The following FAM228A variants were observed in gnomAD, a reference collection of about 807,000 sequenced individuals.
FAM228A encodes protein FAM228A.
Under a neutral mutation model 18.6 loss-of-function variants are expected in FAM228A, and 13 were observed. The observed-to-expected ratio is 0.70, with a 90% CI of 0.45 to 1.11. The LOEUF (loss-of-function observed/expected upper bound fraction) is 1.11. FAM228A is among the 50% of genes least tolerant of loss of function. FAM228A has a pLI of 0.00. For missense variants in FAM228A, 240 were observed against 242.2 expected (o/e 0.99, Z 0.06); for synonymous variants, 77 against 86.6 (o/e 0.89, Z 0.61).
Position 24,175,569 on chromosome 2 carries a change from T to C in FAM228A, c.89T>C (p.Met30Thr), listed in dbSNP as rs765789805. The C allele has an allele frequency of 2.9e-5, 46 of 1,612,302 alleles. No homozygotes were observed. The highest frequency in any genetic ancestry group is 1.3e-4 in the Admixed American group (8 of 60,014). The change falls in exon 2 of 6, where the codon ATG (methionine) becomes ACG (threonine). Residue 30 changes from methionine to threonine, a missense_variant. Met to Thr is a moderately conservative substitution (Grantham distance 81, BLOSUM62 -1). Transcript: ENST00000295150. ...EWPEPESVSL[M>T]EVLAREDIDE... Reference sequence around the variant, plus strand: ...CCGGAGCCCGAGTCCGTTTCTTTAATGGAGGTGAGATAACGTGGCGTTTTG... The same window carrying C: ...CCGGAGCCCGAGTCCGTTTCTTTAACGGAGGTGAGATAACGTGGCGTTTTG...
At chr2:24,185,549 T>C (rs753437788) in intron 5 of FAM228A, among the ~76,000 whole-genome samples, 3 of 152,216 alleles carry the variant, frequency 2.0e-5, no homozygotes, top group African/African-American at 4.8e-5. Context: ...GTAGATCAAT[T>C]TGGGGAGAAT....
chr2:24,183,795 A>G, intron 5 of FAM228A, 150 bp downstream of exon 5: 3 of 701,880 alleles, frequency 4.3e-6, no homozygotes, highest in Non-Finnish European at 2.3e-6. Flanking sequence ...AAATATATGT[A>G]GAGGACAGAA....
At chr2:24,176,589 G>A (rs1324390069) in intron 2 of FAM228A, among the ~76,000 whole-genome samples, 1 of 152,204 alleles carries the variant, frequency 6.6e-6, no homozygotes, top group Non-Finnish European at 1.5e-5. Flanking sequence ...TTTATTTTAG[G>A]AAGACCTGGG....
chr2:24,188,723 C>A, intron 5 of FAM228A: 1 of 874,912 alleles, frequency 1.1e-6, no homozygotes, highest in Non-Finnish European at 1.4e-6. Context: ...CCTGAAGGCT[C>A]TCGCCTCTCT....
intron 5 of FAM228A, chr2:24,188,418 A>AT (rs1480921269): frequency 2.0e-6 from 2 of 976,172 alleles, no homozygotes; most frequent in African/African-American, 3.5e-5. Flanking sequence ...CCCCTCCTTG[A>AT]TTCTTTTTCA....
intron 5 of FAM228A, chr2:24,188,367 C>T (rs909963480): frequency 2.6e-5 from 23 of 886,324 alleles, no homozygotes; most frequent in Non-Finnish European, 3.1e-5. Context: ...GCCCAGCATG[C>T]ATTAGCTATT....
chr2:24,189,136 G>A (rs1410368048), intron 5 of FAM228A, among the ~76,000 whole-genome samples: 1 of 151,962 alleles, frequency 6.6e-6, no homozygotes, highest in Non-Finnish European at 1.5e-5. Context: ...TCTTCCTTCA[G>A]GCTGGTCTCC....
chr2:24,183,165 C>T (rs144594922), intron 3 of FAM228A, 120 bp from the exon 4 acceptor site: 16 of 740,496 alleles, frequency 2.2e-5, no homozygotes, highest in Middle Eastern at 3.8e-4. Flanking sequence ...CTCGCCCCCT[C>T]CTGCCCTTCC....
At position 24,190,697 on chromosome 2, in the gene FAM228A, A is replaced by G; in HGVS notation, c.*66A>G. ...GCGGAGGAGGCATGGCCCAAGAAGA[A>G]GGGTGTGAAGAGGAGGAGGGAGAAA... is the stretch of plus-strand genomic sequence containing the variant. On this transcript the variant is annotated 3_prime_UTR_variant, in exon 6 of 6. Coordinates refer to ENST00000295150, the MANE Select transcript of FAM228A (RefSeq NM_001040710.3). 6.8e-7 allele frequency: 1 copy of G among 1,470,778 alleles called. No individual in the cohort carries two copies. Among genetic ancestry groups the G allele is most frequent in the South Asian group, 1.5e-5 (1 of 67,910 alleles). The allele number at this position is 1,470,778 out of a possible 1,614,324, so 91.1% of individuals were successfully genotyped here.
chr2:24,181,469 C>G (rs1667814124), intron 3 of FAM228A, among the ~76,000 whole-genome samples: 1 of 152,160 alleles, frequency 6.6e-6, no homozygotes, highest in Non-Finnish European at 1.5e-5. Context: ...ACTGCAACTT[C>G]TGCCTCCGGG....
At chr2:24,177,949 A>G in intron 3 of FAM228A, 79 bp downstream of exon 3, 1 of 875,872 alleles carries the variant, frequency 1.1e-6, no homozygotes. Flanking sequence ...CCAAGAGTTT[A>G]TGTCACCGTG....
chr2:24,177,732 A>G, intron 2 of FAM228A, 70 bp from the exon 3 acceptor site: 1 of 867,410 alleles, frequency 1.2e-6, no homozygotes, highest in Non-Finnish European at 1.9e-6. Context: ...TTGGTAAAGT[A>G]CACTGAGTTT....
intron 3 of FAM228A, among the ~76,000 whole-genome samples, chr2:24,181,956 T>G (rs1667826701): frequency 6.6e-6 from 1 of 152,182 alleles, no homozygotes; most frequent in Non-Finnish European, 1.5e-5. Flanking sequence ...TTTACTCACA[T>G]TCAGCAAACT....
rs568599779 is a variant in FAM228A, at chr2:24,188,485, T to C, written c.402-1927T>C. 1.5e-5 allele frequency: 15 copies of C among 985,388 alleles called. 1 individual carries two copies. The highest frequency in any genetic ancestry group is 1.1e-4 in the East Asian group (1 of 8,812). The allele number at this position is 985,388 out of a possible 1,614,324, so 61.0% of individuals were successfully genotyped here. A position where few individuals can be genotyped will look rare whatever the true frequency, so the allele number is the denominator to read the frequency against. On this transcript the variant is annotated intron_variant, in intron 5 of 5. Coordinates refer to ENST00000295150, the MANE Select transcript of FAM228A (RefSeq NM_001040710.3). The stretch of plus-strand genomic sequence containing the variant: ...GGGCCTGGAGAGTTTCTGTCCTCCA[T>C]TGAGAAACCAAGCACATTGCTTGAC...
intron 2 of FAM228A, among the ~76,000 whole-genome samples, chr2:24,176,557 C>G (rs1210246353): frequency 6.6e-6 from 1 of 152,218 alleles, no homozygotes; most frequent in Non-Finnish European, 1.5e-5. Context: ...AAGCAAGATC[C>G]TGTTCCTATT....
At chr2:24,178,770 T>C (rs959029254) in intron 3 of FAM228A, among the ~76,000 whole-genome samples, 2 of 152,182 alleles carry the variant, frequency 1.3e-5, no homozygotes, top group African/African-American at 2.4e-5. Context: ...TGGTGAAGGC[T>C]AGACACAGAG....
intron 2 of FAM228A, 121 bp downstream of exon 2, chr2:24,175,694 C>A (rs1667665535): frequency 3.7e-6 from 3 of 809,552 alleles, no homozygotes; most frequent in African/African-American, 1.7e-5. Flanking sequence ...TTAAAGCAGG[C>A]GTTGAAGGGG....
At chr2:24,185,810 T>C (rs1667934414) in intron 5 of FAM228A, among the ~76,000 whole-genome samples, 1 of 152,220 alleles carries the variant, frequency 6.6e-6, no homozygotes, top group African/African-American at 2.4e-5. Flanking sequence ...GTACTATGGA[T>C]AAGAAACTGT....
intron 3 of FAM228A, among the ~76,000 whole-genome samples, chr2:24,179,657 C>T (rs1374100237): frequency 6.6e-6 from 1 of 152,182 alleles, no homozygotes; most frequent in Non-Finnish European, 1.5e-5. Flanking sequence ...AGTTTATCCC[C>T]ATCATTCTCA....
Sources: allele counts gnomAD v4.1 joint callset (sites outside exome capture counted in the v4.1 genomes callset), GRCh38; gene constraint gnomAD v4.1.1; transcripts MANE v1.5; gene names NCBI Gene and HGNC (gene_info 2026-07-23, HGNC 2026-07-21).